DLEU7: variants seen among roughly 807,000 people sequenced by gnomAD.
The protein encoded by DLEU7 is deleted in lymphocytic leukemia 7, also known as leukemia-associated protein 7.
Under a neutral mutation model 16.0 loss-of-function variants are expected in DLEU7, and 17 were observed. That is an observed-to-expected ratio of 1.06 (90% CI 0.73 to 1.59). DLEU7 has a LOEUF of 1.59. DLEU7 is among the 40% of genes most tolerant of loss of function. The pLI is 0.00. For missense variants in DLEU7, 308 were observed against 314.9 expected (o/e 0.98, Z 0.17); for synonymous variants, 113 against 139.8 (o/e 0.81, Z 1.35).
chr13:50,716,283 T>A (rs1246145451), intron 1 of DLEU7, among the ~76,000 whole-genome samples: 1 of 152,216 alleles, frequency 6.6e-6, no homozygotes, highest in Admixed American at 6.5e-5. Flanking sequence ...ACATCTCCAT[T>A]AACAGGAACT....
At chr13:50,830,466 G>A (rs1232065886) in intron 1 of DLEU7, among the ~76,000 whole-genome samples, 3 of 152,194 alleles carry the variant, frequency 2.0e-5, no homozygotes, top group Non-Finnish European at 4.4e-5. Context: ...GCAGTATGAT[G>A]AGGGCTATGG....
chr13:50,751,358 C>A (rs1222265482), intron 1 of DLEU7, among the ~76,000 whole-genome samples: 2 of 152,118 alleles, frequency 1.3e-5, no homozygotes, highest in Non-Finnish European at 2.9e-5. Flanking sequence ...ATTTTAGCAT[C>A]TATGTTCATC....
chr13:50,747,022 C>T (rs1047546766), intron 1 of DLEU7, among the ~76,000 whole-genome samples: 18 of 151,872 alleles, frequency 1.2e-4, no homozygotes, highest in Non-Finnish European at 5.9e-5. Flanking sequence ...CTAAAATTAC[C>T]CACAGACATA....
chr13:50,820,153 G>C (rs1876853197), downstream of DLEU7, among the ~76,000 whole-genome samples: 1 of 152,152 alleles, frequency 6.6e-6, no homozygotes, highest in Non-Finnish European at 1.5e-5. Flanking sequence ...CAGTGAGACA[G>C]TCATCAGGAG....
intron 1 of DLEU7, among the ~76,000 whole-genome samples, chr13:50,790,297 T>TTAACAA (rs1184760740): frequency 2.0e-5 from 3 of 152,122 alleles, no homozygotes; most frequent in Non-Finnish European, 4.4e-5. Context: ...CTTTCTTTTG[T>TTAACAA]TAAAAATAAA....
At chr13:50,743,174 A>AAGGC (rs376860642) in intron 1 of DLEU7, among the ~76,000 whole-genome samples, 23 of 129,578 alleles carry the variant, frequency 1.8e-4, no homozygotes, top group Admixed American at 3.0e-4. Flanking sequence ...GAGAAAGAAA[A>AAGGC]AGGCAGGCAG....
In DLEU7 at chr13:50,843,177, G is replaced by C; in HGVS notation, c.459+11C>G. Reference sequence around the variant, plus strand: ...CTGCACGCCAGAGGGGATGGCGGGGGCCAGACTCACCTTCAGGTGAATGGG... The same window carrying C: ...CTGCACGCCAGAGGGGATGGCGGGGCCCAGACTCACCTTCAGGTGAATGGG... On this transcript the variant is annotated intron_variant, in intron 1 of 1. Transcript: ENST00000504404. This position sits in a 1 kb window ranked among gnomAD's most constrained non-coding sequence, Gnocchi z 5.7. The C allele has an allele frequency of 6.3e-7, 1 of 1,587,632 alleles. No homozygotes were observed.
intron 1 of DLEU7, among the ~76,000 whole-genome samples, chr13:50,805,415 GT>G (rs914358492): frequency 2.0e-5 from 3 of 152,144 alleles, no homozygotes; most frequent in Non-Finnish European, 4.4e-5. Flanking sequence ...TGGTGTGTTA[GT>G]TTTTTAATGT....
At position 50,738,972 on chromosome 13, in the gene DLEU7, C is replaced by T. The variant is rs1204602183; in HGVS notation, c.460-25732G>A. ...GCCTCTAAAAAATAATACACACACA[C>T]ACACACACACACACACACACACACA... On this transcript the variant is annotated intron_variant, in intron 1 of 1. Coordinates refer to the DLEU7 transcript ENST00000400393. 2.8e-3 allele frequency among the ~76,000 whole-genome samples: 161 copies of T among 57,942 alleles called. 1 individual carries two copies. Among genetic ancestry groups the T allele is most frequent in the African/African-American group, 0.015 (126 of 8,534 alleles). The allele number at this position is 57,942 out of a possible 152,430, so 38.0% of individuals were successfully genotyped here. A position where few individuals can be genotyped will look rare whatever the true frequency, so the allele number is the denominator to read the frequency against.
intron 1 of DLEU7, among the ~76,000 whole-genome samples, chr13:50,777,055 C>T (rs1302434409): frequency 4.6e-5 from 7 of 152,172 alleles, no homozygotes; most frequent in Non-Finnish European, 1.0e-4. Context: ...TGGCTTCCCC[C>T]TTTGAAAAGG....
intron 1 of DLEU7, chr13:50,723,244 G>A (rs1873669762): frequency 6.6e-6 from 1 of 152,070 alleles, no homozygotes; most frequent in Non-Finnish European, 1.5e-5. Context: ...TTGGTAACTA[G>A]ACTTTCAATT....
At chr13:50,751,787 T>G (rs971215730) in intron 1 of DLEU7, among the ~76,000 whole-genome samples, 9 of 152,204 alleles carry the variant, frequency 5.9e-5, no homozygotes, top group African/African-American at 2.2e-4. Context: ...TATCTCCCAT[T>G]TCGTTTCTTA....
chr13:50,775,631 T>C (rs1875471341), intron 1 of DLEU7, among the ~76,000 whole-genome samples: 1 of 152,234 alleles, frequency 6.6e-6, no homozygotes, highest in Non-Finnish European at 1.5e-5. Flanking sequence ...CTCATAAGAC[T>C]ACCACTTTCT....
At position 50,775,995 on chromosome 13, in the gene DLEU7, T is replaced by G. The variant is rs1875483983; in HGVS notation, c.460-62755A>C. On this transcript the variant is annotated intron_variant, in intron 1 of 1. Transcript: ENST00000400393. ...TATTTTCAATAATTGTGTTTTTTAT[T>G]TCTAGGAAATCTGTTTTTTCAAATC... is the stretch of plus-strand genomic sequence containing the variant. Among the ~76,000 whole-genome samples, 5 of 152,246 alleles carry G rather than the reference T, an allele frequency of 3.3e-5. No homozygotes were observed. The South Asian group carries it at 6.2e-4, about 19-fold the overall frequency.
At chr13:50,725,590 G>T (rs2761839) in intron 1 of DLEU7, among the ~76,000 whole-genome samples, 2 of 151,820 alleles carry the variant, frequency 1.3e-5, no homozygotes, top group Admixed American at 1.3e-4. Context: ...AAGTGAGCCC[G>T]TGTAGCATAA....
chr13:50,772,303 T>C (rs1362601768), intron 1 of DLEU7, among the ~76,000 whole-genome samples: 1 of 152,222 alleles, frequency 6.6e-6, no homozygotes, highest in African/African-American at 2.4e-5. Context: ...TTCAATCCTG[T>C]CTTTATGATG....
intron 1 of DLEU7, among the ~76,000 whole-genome samples, chr13:50,729,621 G>A (rs748166483): frequency 7.2e-5 from 11 of 152,182 alleles, no homozygotes; most frequent in Non-Finnish European, 1.6e-4. Flanking sequence ...GCTTTCCACA[G>A]TGGCTGAACT....
intron 1 of DLEU7, among the ~76,000 whole-genome samples, chr13:50,740,851 T>C (rs916310848): frequency 6.6e-6 from 1 of 152,160 alleles, no homozygotes; most frequent in Non-Finnish European, 1.5e-5. Flanking sequence ...TGTTCCTGCT[T>C]ATAAGTGAAA....
At chr13:50,832,596 C>T (rs1805947646) in intron 1 of DLEU7, among the ~76,000 whole-genome samples, 2 of 152,108 alleles carry the variant, frequency 1.3e-5, no homozygotes, top group African/African-American at 4.8e-5. Context: ...TAGATCTTTC[C>T]CACCTTCTCC....
Sources: gnomAD v4.1 joint callset for allele counts (sites outside exome capture counted in the v4.1 genomes callset) on GRCh38, gnomAD v4.1.1 for gene constraint, Gnocchi (gnomAD v3.1) non-coding constraint, MANE v1.5 for transcripts, NCBI Gene and HGNC (gene_info 2026-07-23, HGNC 2026-07-21) for gene names.